The following NUP160 variants were observed in gnomAD, a reference collection of about 807,000 sequenced individuals.
The protein encoded by NUP160 is nuclear pore complex protein Nup160.
In NUP160, 94 loss-of-function variants were observed where a neutral mutation model predicts 196.9. The observed-to-expected ratio is 0.48, with a 90% confidence interval of 0.40 to 0.57. The LOEUF (loss-of-function observed/expected upper bound fraction) is 0.57. Among genes scored for constraint, NUP160 ranks in the 20% least tolerant of loss-of-function variants. The pLI, the probability that NUP160 is intolerant of heterozygous loss-of-function variation, is 0.00. For synonymous variants in NUP160, 605 were observed against 619.7 expected (o/e 0.98, Z 0.35); for missense variants, 1,638 against 1,748.3 (o/e 0.94, Z 1.13).
intron 4 of NUP160, 185 bp downstream of exon 4, chr11:47,839,658 A>G (rs1852255190): frequency 1.7e-6 from 1 of 605,772 alleles, no homozygotes; most frequent in Non-Finnish European, 2.9e-6. Context: ...GTGCTCCAAT[A>G]TGCTTTATAG....
At chr11:47,798,616 T>C (rs879448962) in intron 23 of NUP160, among the ~76,000 whole-genome samples, 153 bp from the exon 24 acceptor site, 1 of 151,858 alleles carries the variant, frequency 6.6e-6, no homozygotes, top group African/African-American at 2.4e-5. Flanking sequence ...AGCAGCAGGA[T>C]TGCTCAAGGC....
At chr11:47,780,306 G>A (rs1554995763) in intron 35 of NUP160, 37 bp downstream of exon 35, 3 of 1,331,052 alleles carry the variant, frequency 2.3e-6, no homozygotes, top group South Asian at 1.2e-5. Flanking sequence ...CTAGTGCAGG[G>A]GCTTACACAA....
chr11:47,792,063 A>ACCGTTAT, intron 28 of NUP160, 73 bp from the exon 29 acceptor site: 1 of 1,022,920 alleles, frequency 9.8e-7, no homozygotes, highest in South Asian at 1.5e-5. Flanking sequence ...GGTGATTCAT[A>ACCGTTAT]GCTTTTATGC....
At chr11:47,841,448 C>A in intron 2 of NUP160, 2 of 420,508 alleles carry the variant, frequency 4.8e-6, no homozygotes, top group Admixed American at 3.1e-5. Context: ...ACTGGCAGAG[C>A]ATTTCTTTTT....
intron 34 of NUP160, among the ~76,000 whole-genome samples, chr11:47,782,174 C>T (rs1035835858): frequency 6.6e-6 from 1 of 151,072 alleles, no homozygotes; most frequent in African/African-American, 2.4e-5. Context: ...ATCCCAGCTA[C>T]TCAGGAGGCT....
At chr11:47,799,718 T>A (rs1009792036) in intron 23 of NUP160, among the ~76,000 whole-genome samples, 1 of 151,862 alleles carries the variant, frequency 6.6e-6, no homozygotes, top group East Asian at 2.0e-4. Flanking sequence ...GGTAATTTTT[T>A]AATTTTTTGT....
chr11:47,791,277 T>C (rs896404894), intron 29 of NUP160, among the ~76,000 whole-genome samples: 12 of 152,220 alleles, frequency 7.9e-5, no homozygotes, highest in Non-Finnish European at 1.8e-4. Context: ...TGTCATGTTA[T>C]GACTTTTTTC....
At chr11:47,821,605 C>T in intron 9 of NUP160, 119 bp downstream of exon 9, 1 of 698,318 alleles carries the variant, frequency 1.4e-6, no homozygotes, top group Non-Finnish European at 2.5e-6. Flanking sequence ...AGTGATTTGC[C>T]TGCCTCGGCC....
chr11:47,838,060 G>A (rs1411809115), intron 4 of NUP160, among the ~76,000 whole-genome samples: 1 of 152,202 alleles, frequency 6.6e-6, no homozygotes, highest in Non-Finnish European at 1.5e-5. Flanking sequence ...TAGAATGGTA[G>A]TAAGTCAGAA....
chr11:47,841,646 G>C, intron 2 of NUP160: 1 of 395,490 alleles, frequency 2.5e-6, no homozygotes, highest in Admixed American at 3.0e-5. Context: ...TAGTTCGAGA[G>C]ATTGAGGGCT....
chr11:47,798,449 T>A, exon 24 of NUP160: 1 of 1,589,048 alleles, frequency 6.3e-7, no homozygotes, highest in Non-Finnish European at 8.6e-7. Flanking sequence ...CAATGACATC[T>A]AGTAGTCGTA....
Position 47,824,046 on chromosome 11 carries a change from TATATATAC to T in NUP160, c.1102-1890_1102-1883del, listed in dbSNP as rs1257614183. On this transcript the variant is annotated intron_variant, in intron 7 of 35. Coordinates refer to ENST00000378460, the Ensembl canonical transcript of NUP160. ...ATATATATATATATATATATATATA[TATATATAC>T]ACACACACATAGAAGTGGAATTTCT... Among the ~76,000 whole-genome samples, 711 of 94,536 alleles carry T rather than the reference TATATATAC, an allele frequency of 7.5e-3. 9 individuals carry two copies. Among genetic ancestry groups the T allele is most frequent in the Non-Finnish European group, 9.1e-3 (402 of 44,192 alleles). The allele number at this position is 94,536 out of a possible 152,430, so 62.0% of individuals were successfully genotyped here.
chr11:47,831,581 C>T (rs188281731), intron 7 of NUP160, among the ~76,000 whole-genome samples: 4 of 151,862 alleles, frequency 2.6e-5, no homozygotes, highest in Non-Finnish European at 4.4e-5. Flanking sequence ...CAGTGGCTCA[C>T]GCCTGTAATC....
chr11:47,784,882 A>G (rs917550645), intron 33 of NUP160, 40 bp downstream of exon 33: 2 of 1,449,928 alleles, frequency 1.4e-6, no homozygotes, highest in Admixed American at 2.2e-5. Flanking sequence ...AGAATGATAA[A>G]GAGTGGGTTC....
chr11:47,831,161 TCAACAA>T (rs75205280), intron 7 of NUP160, among the ~76,000 whole-genome samples: 12 of 150,848 alleles, frequency 8.0e-5, no homozygotes, highest in South Asian at 2.1e-4. Context: ...AGATTCCATC[TCAACAA>T]CAACAACAAC....
At chr11:47,825,735 G>A (rs1356482239) in intron 7 of NUP160, among the ~76,000 whole-genome samples, 1 of 152,078 alleles carries the variant, frequency 6.6e-6, no homozygotes, top group Non-Finnish European at 1.5e-5. Flanking sequence ...TTACAGGCAT[G>A]AGCCATACAG....
exon 20 of NUP160, chr11:47,806,229 T>C (rs2097677536): frequency 1.2e-6 from 2 of 1,613,886 alleles, no homozygotes; most frequent in Non-Finnish European, 1.7e-6. Context: ...AGAGGTGCCT[T>C]TGGCTGAGAG....
At position 47,808,448 on chromosome 11, in the gene NUP160, G is replaced by A. The variant is rs752281221; in HGVS notation, c.2323C>T (p.Leu775Phe). Reference sequence around the variant, plus strand: ...AAGCACTCACTTCCCCATTTAATGAGGTAATAAGATAAGAGTAGGGGAGCT... The same window carrying A: ...AAGCACTCACTTCCCCATTTAATGAAGTAATAAGATAAGAGTAGGGGAGCT... The change falls in exon 18 of 36, where the codon CTC becomes TTC. Residue 775 changes from leucine (L) to phenylalanine (F), a missense_variant. By Grantham distance (22) the Leu-to-Phe change is conservative. Transcript: ENST00000378460. The A allele has an allele frequency of 6.2e-7, 1 of 1,613,676 alleles. No individual in the cohort carries two copies. Among genetic ancestry groups the A allele is most frequent in the South Asian group, 1.1e-5 (1 of 91,080 alleles).
At chr11:47,828,309 C>T (rs922008861) in intron 7 of NUP160, among the ~76,000 whole-genome samples, 5 of 151,824 alleles carry the variant, frequency 3.3e-5, no homozygotes, top group African/African-American at 9.7e-5. Context: ...TTTCTATCAA[C>T]TTCCAATGAG....
Sources: gnomAD v4.1 joint callset for allele counts (sites outside exome capture counted in the v4.1 genomes callset) on GRCh38, gnomAD v4.1.1 for gene constraint, MANE v1.5 for transcripts, NCBI Gene and HGNC (gene_info 2026-07-23, HGNC 2026-07-21) for gene names.